The following FRMD4B variants were observed in gnomAD, a reference collection of about 807,000 sequenced individuals.
FRMD4B encodes FERM domain containing 4B.
In FRMD4B, 74 loss-of-function variants were observed where a neutral mutation model predicts 141.5. The observed-to-expected ratio is 0.52, with a 90% confidence interval of 0.43 to 0.63. The LOEUF (loss-of-function observed/expected upper bound fraction) is 0.63. FRMD4B is among the 30% of genes least tolerant of loss of function. The probability of loss-of-function intolerance (pLI) is 0.00; values close to 1 mark genes in which losing one functional copy is unlikely to be tolerated. For missense variants in FRMD4B, 1,366 were observed against 1,253.4 expected (o/e 1.09, Z -1.36); for synonymous variants, 506 against 467.9 (o/e 1.08, Z -1.05).
At chr3:69,307,704 G>A (rs1052007123) in intron 3 of FRMD4B, among the ~76,000 whole-genome samples, 3 of 152,082 alleles carry the variant, frequency 2.0e-5, no homozygotes, top group Non-Finnish European at 4.4e-5. Context: ...GCACTGTCTG[G>A]TTTATATTCA....
intron 2 of FRMD4B, among the ~76,000 whole-genome samples, chr3:69,394,567 TG>T (rs1379993375): frequency 1.3e-5 from 2 of 152,206 alleles, no homozygotes; most frequent in Non-Finnish European, 2.9e-5. Flanking sequence ...ATACTGTTGG[TG>T]GGAGTGTAAA....
intron 1 of FRMD4B, among the ~76,000 whole-genome samples, chr3:69,339,670 C>T (rs1702670343): frequency 1.3e-5 from 2 of 152,054 alleles, no homozygotes; most frequent in Non-Finnish European, 2.9e-5. Context: ...GTTCTGCAGG[C>T]CTCGAAAAAA....
chr3:69,213,999 A>G (rs2093113918), intron 11 of FRMD4B, among the ~76,000 whole-genome samples: 2 of 152,010 alleles, frequency 1.3e-5, no homozygotes, highest in South Asian at 4.1e-4. Context: ...TTCTAGTAAG[A>G]AGCCTCAACG....
At chr3:69,240,140 T>G (rs1158371021) in intron 7 of FRMD4B, among the ~76,000 whole-genome samples, 8 of 151,904 alleles carry the variant, frequency 5.3e-5, no homozygotes, top group Admixed American at 5.3e-4. Context: ...GATGATAAAT[T>G]TTATGTATAT....
chr3:69,495,411 A>G (rs1706367917), intron 1 of FRMD4B, among the ~76,000 whole-genome samples: 1 of 152,208 alleles, frequency 6.6e-6, no homozygotes, highest in Admixed American at 6.5e-5. Context: ...TGGCTGCACA[A>G]ATACACCATG....
chr3:69,496,674 A>AGAGAGAGG (rs1706404000), intron 1 of FRMD4B, among the ~76,000 whole-genome samples: 26 of 147,426 alleles, frequency 1.8e-4, no homozygotes, highest in African/African-American at 6.6e-4. Context: ...AGAGAGAGAG[A>AGAGAGAGG]GAGACAGGGA....
At chr3:69,504,927 C>G (rs924380136) in intron 1 of FRMD4B, among the ~76,000 whole-genome samples, 1 of 152,188 alleles carries the variant, frequency 6.6e-6, no homozygotes, top group African/African-American at 2.4e-5. Context: ...GGTCACTGCT[C>G]TTCATCCTAT....
intron 1 of FRMD4B, among the ~76,000 whole-genome samples, chr3:69,540,020 C>G (rs1701147368): frequency 6.6e-6 from 1 of 151,854 alleles, no homozygotes; most frequent in Non-Finnish European, 1.5e-5. Context: ...TGGTGAAACC[C>G]GGTCTCTACT....
intron 1 of FRMD4B, among the ~76,000 whole-genome samples, chr3:69,342,093 C>CT (rs1702758159): frequency 6.6e-6 from 1 of 152,192 alleles, no homozygotes; most frequent in Admixed American, 6.5e-5. Flanking sequence ...CTTGCAAACA[C>CT]TTCCCCCCAC....
intron 1 of FRMD4B, among the ~76,000 whole-genome samples, chr3:69,355,961 G>T (rs763242238): frequency 5.3e-5 from 8 of 152,126 alleles, no homozygotes; most frequent in Non-Finnish European, 1.0e-4. Context: ...GGAGCCGGAG[G>T]TTGCAGTGAG....
chr3:69,532,440 G>T (rs1559555109), intron 1 of FRMD4B, among the ~76,000 whole-genome samples: 1 of 152,190 alleles, frequency 6.6e-6, no homozygotes, highest in Non-Finnish European at 1.5e-5. Context: ...ACAAAGTGCA[G>T]GGTGCACACT....
chr3:69,296,900 A>G (rs1193840485), intron 4 of FRMD4B, among the ~76,000 whole-genome samples: 1 of 152,208 alleles, frequency 6.6e-6, no homozygotes, highest in Non-Finnish European at 1.5e-5. Flanking sequence ...GAAAATGAAA[A>G]TCATCCCTAC....
At chr3:69,218,943 A>G (rs910715908) in intron 9 of FRMD4B, among the ~76,000 whole-genome samples, 1 of 152,236 alleles carries the variant, frequency 6.6e-6, no homozygotes, top group Non-Finnish European at 1.5e-5. Flanking sequence ...CGGGTGAATC[A>G]CCTGAGGTCA....
Position 69,199,610 on chromosome 3 carries a change from G to C in FRMD4B, c.877-836C>G, listed in dbSNP as rs576924952. 1.3e-3 allele frequency among the ~76,000 whole-genome samples: 200 copies of C among 152,266 alleles called. 2 individuals carry two copies. In the South Asian group the frequency reaches 0.039, roughly 29 times the overall value. On this transcript the variant is annotated intron_variant, in intron 11 of 22. Coordinates refer to ENST00000398540, the MANE Select transcript of FRMD4B (RefSeq NM_015123.3). ...ACAGAAACCTAGCACCAGTAATTGG[G>C]GGCAGAGAAGGGGTAGGAGGGAACA...
intron 2 of FRMD4B, among the ~76,000 whole-genome samples, chr3:69,421,318 G>A (rs187474474): frequency 1.9e-4 from 29 of 152,318 alleles, no homozygotes; most frequent in Non-Finnish European, 2.9e-4. Flanking sequence ...TTTATTTCCC[G>A]TATGAAGAGT....
intron 4 of FRMD4B, among the ~76,000 whole-genome samples, chr3:69,301,970 T>C (rs987462276): frequency 6.6e-6 from 1 of 152,252 alleles, no homozygotes; most frequent in African/African-American, 2.4e-5. Context: ...TAAAATGTAA[T>C]AGCAAATGTT....
chr3:69,255,461 C>T (rs2093486778), intron 5 of FRMD4B, among the ~76,000 whole-genome samples: 2 of 152,068 alleles, frequency 1.3e-5, no homozygotes, highest in African/African-American at 2.4e-5. Context: ...GGGAGGATCG[C>T]TTGAGCCCAG....
intron 2 of FRMD4B, among the ~76,000 whole-genome samples, chr3:69,415,083 G>A (rs1704835107): frequency 6.6e-6 from 1 of 151,280 alleles, no homozygotes; most frequent in Non-Finnish European, 1.5e-5. Context: ...TCAGGCTGGT[G>A]TCTAACTCCT....
At chr3:69,539,778 G>A (rs1450993514) in intron 1 of FRMD4B, among the ~76,000 whole-genome samples, 1 of 152,176 alleles carries the variant, frequency 6.6e-6, no homozygotes, top group Non-Finnish European at 1.5e-5. Flanking sequence ...CCTTGGAGTT[G>A]CCTAAATTTT....
Sources: gnomAD v4.1 joint callset for allele counts (sites outside exome capture counted in the v4.1 genomes callset) on GRCh38, gnomAD v4.1.1 for gene constraint, MANE v1.5 for transcripts, NCBI Gene and HGNC (gene_info 2026-07-23, HGNC 2026-07-21) for gene names.